NEGR1: variants seen among roughly 807,000 people sequenced by gnomAD.
NEGR1 encodes the protein neuronal growth regulator 1, also known as IgLON family member 4.
Under a neutral mutation model 40.9 loss-of-function variants are expected in NEGR1, and 10 were observed. The observed-to-expected ratio is 0.24, with a 90% CI of 0.15 to 0.42. The LOEUF (loss-of-function observed/expected upper bound fraction) is 0.42. NEGR1 is among the 10% of genes least tolerant of loss of function. The pLI, the probability that NEGR1 is intolerant of heterozygous loss-of-function variation, is 1.00. For missense variants in NEGR1, 352 were observed against 438.9 expected (o/e 0.80, Z 1.77); for synonymous variants, 185 against 166.8 (o/e 1.11, Z -0.84).
rs542282602 is a variant in NEGR1 at position 72,029,531 on chromosome 1, C to T, written c.177-94220G>A. Among the ~76,000 whole-genome samples the T allele has an allele frequency of 1.2e-4, 18 of 152,208 alleles. No individual in the cohort carries two copies. The South Asian group carries it at 1.7e-3, about 14-fold the overall frequency. On this transcript the variant is annotated intron_variant, in intron 1 of 6. Transcript: ENST00000357731. Reference sequence around the variant, plus strand: ...TCTATCCAGTATTGTGTGCCTGTAACGGAGTCATTTTGACGTGTTTATTGA... The same window carrying T: ...TCTATCCAGTATTGTGTGCCTGTAATGGAGTCATTTTGACGTGTTTATTGA...
chr1:71,928,441 T>TATATGTATGTATATATACAC (rs1557439325), intron 2 of NEGR1, among the ~76,000 whole-genome samples: 1 of 121,136 alleles, frequency 8.3e-6, no homozygotes, highest in Non-Finnish European at 1.8e-5. Context: ...TATATACACA[T>TATATGTATGTATATATACAC]ATATATGTAT....
At chr1:72,004,256 T>C (rs1268493723) in intron 1 of NEGR1, among the ~76,000 whole-genome samples, 1 of 152,162 alleles carries the variant, frequency 6.6e-6, no homozygotes, top group Non-Finnish European at 1.5e-5. Context: ...GGTATTTATA[T>C]ATAGAGAGAA....
chr1:71,455,125 T>G (rs1295851192), intron 6 of NEGR1, among the ~76,000 whole-genome samples: 1 of 152,218 alleles, frequency 6.6e-6, no homozygotes, highest in East Asian at 1.9e-4. Context: ...ATTATTTTCC[T>G]CTACTTAGTC....
chr1:71,750,475 T>C (rs150783477), intron 3 of NEGR1, among the ~76,000 whole-genome samples: 4,027 of 152,260 alleles, frequency 0.026, 77 homozygotes, highest in African/African-American at 0.041. Context: ...AGAGGTTTAA[T>C]TGACTCACTG....
intron 6 of NEGR1, among the ~76,000 whole-genome samples, chr1:71,537,258 T>C: frequency 6.6e-6 from 1 of 151,680 alleles, no homozygotes; most frequent in Admixed American, 6.6e-5. Flanking sequence ...GTCACACATG[T>C]AATAAGGAGT....
At chr1:71,753,245 G>C (rs891295495) in intron 3 of NEGR1, among the ~76,000 whole-genome samples, 1 of 152,118 alleles carries the variant, frequency 6.6e-6, no homozygotes, top group Non-Finnish European at 1.5e-5. Flanking sequence ...TGCTACCAAG[G>C]ATAGTGAAAG....
chr1:71,666,862 A>G (rs927475566), intron 4 of NEGR1, among the ~76,000 whole-genome samples: 5 of 152,158 alleles, frequency 3.3e-5, no homozygotes, highest in African/African-American at 9.7e-5. Flanking sequence ...TTATTTTTCT[A>G]CTAAAGCCAT....
intron 2 of NEGR1, among the ~76,000 whole-genome samples, chr1:71,786,939 G>A (rs1029648641): frequency 1.3e-5 from 2 of 152,200 alleles, no homozygotes; most frequent in African/African-American, 4.8e-5. Flanking sequence ...AGCCCACTGT[G>A]GTGTCACCAC....
At chr1:71,555,427 T>C (rs983829019) in intron 6 of NEGR1, among the ~76,000 whole-genome samples, 2 of 151,634 alleles carry the variant, frequency 1.3e-5, no homozygotes, top group Non-Finnish European at 3.0e-5. Flanking sequence ...TCTTGGTTCA[T>C]GATCTTACTT....
In NEGR1 at chr1:72,242,236, C is replaced by T. The variant is rs1007997573; in HGVS notation, c.176+40083G>A. On this transcript the variant is annotated intron_variant, in intron 1 of 6. Transcript: ENST00000357731. Reference sequence around the variant, plus strand: ...CATTGCTCTGAAAACAACTTCTACACTTTGATTTGGCAGTATAATGAGTTG... The same window carrying T: ...CATTGCTCTGAAAACAACTTCTACATTTTGATTTGGCAGTATAATGAGTTG... 2.6e-5 allele frequency among the ~76,000 whole-genome samples: 4 copies of T among 151,732 alleles called. No individual in the cohort carries two copies. In the South Asian group the frequency reaches 6.2e-4, roughly 24 times the overall value.
chr1:72,166,148 C>T (rs1651755703), intron 1 of NEGR1, among the ~76,000 whole-genome samples: 1 of 151,910 alleles, frequency 6.6e-6, no homozygotes, highest in South Asian at 2.1e-4. Context: ...CCAAAACATA[C>T]AGCCAGGGAA....
intron 1 of NEGR1, among the ~76,000 whole-genome samples, chr1:72,216,893 G>C (rs1653840842): frequency 6.6e-6 from 1 of 151,194 alleles, no homozygotes; most frequent in African/African-American, 2.4e-5. Flanking sequence ...ATATTAACCA[G>C]ACTTTCCTTT....
intron 3 of NEGR1, among the ~76,000 whole-genome samples, chr1:71,725,794 T>C (rs1490983903): frequency 1.3e-5 from 2 of 152,084 alleles, no homozygotes; most frequent in African/African-American, 4.8e-5. Context: ...TAGCATAGTT[T>C]CTAGTTTTTA....
chr1:71,975,037 A>G (rs1274944256), intron 1 of NEGR1, among the ~76,000 whole-genome samples: 1 of 152,220 alleles, frequency 6.6e-6, no homozygotes, highest in Non-Finnish European at 1.5e-5. Flanking sequence ...AGGAAAAGAT[A>G]TATCAACTTT....
chr1:71,577,387 T>C, intron 6 of NEGR1, among the ~76,000 whole-genome samples: 1 of 152,168 alleles, frequency 6.6e-6, no homozygotes, highest in East Asian at 1.9e-4. Flanking sequence ...AAGAAGCCTA[T>C]AACATGGCTG....
At chr1:71,903,618 C>T (rs1472174600) in intron 2 of NEGR1, among the ~76,000 whole-genome samples, 1 of 151,814 alleles carries the variant, frequency 6.6e-6, no homozygotes, top group Non-Finnish European at 1.5e-5. Flanking sequence ...TTTGCTGTGT[C>T]CAAATAAATT....
At chr1:71,954,757 T>C (rs1202765403) in intron 1 of NEGR1, among the ~76,000 whole-genome samples, 2 of 152,054 alleles carry the variant, frequency 1.3e-5, no homozygotes, top group African/African-American at 4.8e-5. Context: ...CACAAATCCA[T>C]ATAAGCACAT....
chr1:71,439,822 T>C (rs1646534611), intron 6 of NEGR1: 1 of 152,114 alleles, frequency 6.6e-6, no homozygotes, highest in Non-Finnish European at 1.5e-5. Context: ...TCTCTCTTTT[T>C]CTGTATATGC....
chr1:72,218,865 C>A (rs1374007494), intron 1 of NEGR1, among the ~76,000 whole-genome samples: 2 of 152,030 alleles, frequency 1.3e-5, no homozygotes. Flanking sequence ...CCCCCAAAAA[C>A]TTCCACAATC....
Sources: gnomAD v4.1 joint callset for allele counts (sites outside exome capture counted in the v4.1 genomes callset) on GRCh38, gnomAD v4.1.1 for gene constraint, MANE v1.5 for transcripts, NCBI Gene and HGNC (gene_info 2026-07-23, HGNC 2026-07-21) for gene names.